DAAM1: variants seen among roughly 807,000 people sequenced by gnomAD.
DAAM1 encodes the protein dishevelled associated activator of morphogenesis 1.
In DAAM1, 52 loss-of-function variants were observed where a neutral mutation model predicts 130.0. The observed-to-expected ratio is 0.40, with a 90% CI of 0.32 to 0.50. The LOEUF (loss-of-function observed/expected upper bound fraction) is 0.50. DAAM1 is among the 20% of genes least tolerant of loss of function. The pLI is 0.61. For synonymous variants in DAAM1, 452 were observed against 444.5 expected (o/e 1.02, Z -0.21); for missense variants, 1,134 against 1,303.8 (o/e 0.87, Z 2.01).
intron 3 of DAAM1, among the ~76,000 whole-genome samples, chr14:59,310,862 T>G (rs1884560377): frequency 6.6e-6 from 1 of 152,188 alleles, no homozygotes; most frequent in South Asian, 2.1e-4. Context: ...TGCTTCAGCC[T>G]GTGATTTGTG....
chr14:59,203,055 G>A (rs556327266), intron 1 of DAAM1, among the ~76,000 whole-genome samples: 29 of 149,880 alleles, frequency 1.9e-4, no homozygotes, highest in African/African-American at 6.9e-4. Flanking sequence ...GCAGTGATTC[G>A]ATCTCCACTC....
intron 3 of DAAM1, among the ~76,000 whole-genome samples, chr14:59,304,116 A>G (rs1594810636): frequency 6.6e-6 from 1 of 152,194 alleles, no homozygotes; most frequent in Non-Finnish European, 1.5e-5. Context: ...TATGGCCCAT[A>G]CTTTCACAGA....
chr14:59,215,587 C>T (rs888937707), intron 1 of DAAM1, among the ~76,000 whole-genome samples: 1 of 152,184 alleles, frequency 6.6e-6, no homozygotes, highest in African/African-American at 2.4e-5. Context: ...TGCATTTGCC[C>T]TGTCGGAGCT....
chr14:59,215,134 C>T (rs1248188537), intron 1 of DAAM1, among the ~76,000 whole-genome samples: 2 of 152,204 alleles, frequency 1.3e-5, no homozygotes, highest in African/African-American at 4.8e-5. Flanking sequence ...TTCATATTGG[C>T]TCAGTGTAGC....
At chr14:59,327,077 G>A in intron 12 of DAAM1, 86 bp downstream of exon 12, 2 of 1,467,602 alleles carry the variant, frequency 1.4e-6, no homozygotes, top group East Asian at 4.6e-5. Flanking sequence ...TTACATTGAT[G>A]TTTCTTGTTA....
intron 1 of DAAM1, among the ~76,000 whole-genome samples, chr14:59,203,608 C>T: frequency 6.6e-6 from 1 of 152,086 alleles, no homozygotes; most frequent in East Asian, 1.9e-4. Flanking sequence ...TATTTATGGA[C>T]CACTTGAGAT....
rs560533601 is a variant in DAAM1, at chr14:59,253,792, C to T, written c.-37-9649C>T. Among the ~76,000 whole-genome samples, 24 of 152,356 alleles carry T rather than the reference C, an allele frequency of 1.6e-4. No homozygotes were observed. In the South Asian group the frequency reaches 4.8e-3, roughly 30 times the overall value. On this transcript the variant is annotated intron_variant, in intron 1 of 24. Coordinates refer to ENST00000360909, the MANE Select transcript of DAAM1 (RefSeq NM_001270520.2). ...CTTCCCCAGGGGACCCTGTCTAGGC[C>T]TCACCAGGGAGAGGGACTTAGTGTG...
intron 15 of DAAM1, among the ~76,000 whole-genome samples, chr14:59,334,421 T>G (rs1885548595): frequency 6.6e-6 from 1 of 152,138 alleles, no homozygotes. Context: ...TCGGGATCTA[T>G]TTTTTTCCAT....
chr14:59,321,595 C>T (rs1159851637), intron 5 of DAAM1, among the ~76,000 whole-genome samples: 2 of 152,176 alleles, frequency 1.3e-5, no homozygotes, highest in Non-Finnish European at 2.9e-5. Context: ...TGCTGAGGTT[C>T]TTATAAGTAC....
At chr14:59,272,608 TAC>T (rs35308018) in intron 2 of DAAM1, among the ~76,000 whole-genome samples, 63,621 of 136,660 alleles carry the variant, frequency 0.47, 14,904 homozygotes, top group African/African-American at 0.64. Context: ...TATATATATA[TAC>T]ACACACACAC....
At chr14:59,277,328 C>A in intron 2 of DAAM1, among the ~76,000 whole-genome samples, 1 of 152,028 alleles carries the variant, frequency 6.6e-6, no homozygotes, top group Non-Finnish European at 1.5e-5. Context: ...TACAGAACTG[C>A]CTGCTTATTC....
rs1279124928 is a variant in DAAM1 at position 59,363,701 on chromosome 14, G to T, written c.2745G>T (p.Val915=). 1.2e-6 allele frequency: 2 copies of T among 1,614,046 alleles called. No individual in the cohort carries two copies. Among genetic ancestry groups the T allele is most frequent in the African/African-American group, 2.7e-5 (2 of 74,932 alleles). ...SQPPQPGDKF[V]SVVSQFITVA... is the part of the protein sequence containing the mutation. ...CCCCACAGCCCGGAGATAAGTTTGT[G>T]TCTGTTGTCAGCCAGTTCATCACAG... is the stretch of plus-strand genomic sequence containing the variant. Residue 915 remains valine, a synonymous_variant, in exon 23 of 25, where the codon GTG becomes GTT. Coordinates refer to ENST00000360909, the MANE Select transcript of DAAM1 (RefSeq NM_001270520.2).
intron 1 of DAAM1, among the ~76,000 whole-genome samples, chr14:59,216,244 C>G (rs934482210): frequency 6.6e-6 from 1 of 152,178 alleles, no homozygotes; most frequent in Admixed American, 6.5e-5. Context: ...CTGCCTGTCT[C>G]AGGCACAGTT....
At chr14:59,260,164 G>A (rs1047894644) in intron 1 of DAAM1, among the ~76,000 whole-genome samples, 30 of 152,202 alleles carry the variant, frequency 2.0e-4, no homozygotes, top group Non-Finnish European at 2.5e-4. Flanking sequence ...AGTTTGAAAA[G>A]CTGGTATGTA....
At chr14:59,294,564 A>AT (rs34245569) in intron 3 of DAAM1, among the ~76,000 whole-genome samples, 56,644 of 146,294 alleles carry the variant, frequency 0.39, 11,085 homozygotes, top group East Asian at 0.57. Flanking sequence ...ATCCACTGTC[A>AT]TTTTTTTTTT....
chr14:59,245,064 A>C (rs1316278373), intron 1 of DAAM1, among the ~76,000 whole-genome samples: 1 of 152,146 alleles, frequency 6.6e-6, no homozygotes, highest in African/African-American at 2.4e-5. Flanking sequence ...CGGGGGGGCC[A>C]GGGGAAAGGT....
chr14:59,319,921 AACACACACAC>A (rs10566854), intron 4 of DAAM1, among the ~76,000 whole-genome samples: 3 of 150,228 alleles, frequency 2.0e-5, no homozygotes, highest in Non-Finnish European at 4.4e-5. Context: ...CCTGGGTAGA[AACACACACAC>A]ACACACACAC....
intron 15 of DAAM1, among the ~76,000 whole-genome samples, chr14:59,338,998 C>T (rs552158013): frequency 6.6e-6 from 1 of 152,188 alleles, no homozygotes; most frequent in East Asian, 1.9e-4. Flanking sequence ...ATGTTAAAAA[C>T]AGCAGTCTGA....
chr14:59,225,184 G>A (rs968713968), intron 1 of DAAM1, among the ~76,000 whole-genome samples: 5 of 151,738 alleles, frequency 3.3e-5, no homozygotes, highest in Admixed American at 6.6e-5. Flanking sequence ...TGCGCCACCA[G>A]GCCCAGCTAA....
Sources: allele counts gnomAD v4.1 joint callset (sites outside exome capture counted in the v4.1 genomes callset), GRCh38; gene constraint gnomAD v4.1.1; transcripts MANE v1.5; gene names NCBI Gene and HGNC (gene_info 2026-07-23, HGNC 2026-07-21).